The following DECR2 variants were observed in gnomAD, a reference collection of about 807,000 sequenced individuals.
The protein encoded by DECR2 is 2,4-dienoyl-CoA reductase 2.
DECR2 carries 34 observed loss-of-function variants against 29.2 expected under a neutral mutation model. The observed-to-expected ratio is 1.16, with a 90% CI of 0.89 to 1.55. The LOEUF (loss-of-function observed/expected upper bound fraction) is 1.55. DECR2 is among the 40% of genes most tolerant of loss of function. The probability of loss-of-function intolerance (pLI) is 0.00; values close to 1 mark genes in which losing one functional copy is unlikely to be tolerated. For missense variants in DECR2, 485 were observed against 425.3 expected (o/e 1.14, Z -1.23); for synonymous variants, 224 against 182.7 (o/e 1.23, Z -1.82).
chr16:403,146 T>G (rs79137496), intron 1 of DECR2: 5 of 469,192 alleles, frequency 1.1e-5, no homozygotes, highest in Non-Finnish European at 1.1e-5. Context: ...TCAGCCTCAG[T>G]GCGCCCAAGT....
chr16:402,876 T>C (rs1404973161), intron 1 of DECR2: 1 of 216,770 alleles, frequency 4.6e-6, no homozygotes, highest in African/African-American at 2.4e-5. Context: ...TCCCAACTAC[T>C]TGGGAGGCTG....
At chr16:408,888 AT>A (rs2054776195) in intron 4 of DECR2, among the ~76,000 whole-genome samples, 1 of 146,514 alleles carries the variant, frequency 6.8e-6, no homozygotes, top group South Asian at 2.2e-4. Context: ...CTGGAGTACC[AT>A]GGTACAATCT....
At position 407,499 on chromosome 16, in the gene DECR2, T is replaced by G; in HGVS notation, c.276T>G (p.Ala92=). 1 of 1,613,978 alleles carries G rather than the reference T, an allele frequency of 6.2e-7. No homozygotes were observed. Among genetic ancestry groups the G allele is most frequent in the Non-Finnish European group, 8.5e-7 (1 of 1,179,940 alleles). ...CTATGGACGTCCGAGCGCCCCCAGCTGTCATGGCCGCCGTGGACCAGGCTC... is the reference window on the plus strand; with the variant it reads ...CTATGGACGTCCGAGCGCCCCCAGCGGTCATGGCCGCCGTGGACCAGGCTC... ...PLSMDVRAPP[A]VMAAVDQALK... is the part of the protein sequence containing the mutation. The change falls in exon 4 of 9, where the codon GCT becomes GCG. Residue 92 remains alanine (A), a synonymous_variant. Coordinates refer to ENST00000219481, the MANE Select transcript of DECR2 (RefSeq NM_020664.4).
In DECR2 at chr16:411,503, T is replaced by C; in HGVS notation, c.804T>C (p.Asp268=). 1 of 1,614,040 alleles carries C rather than the reference T, an allele frequency of 6.2e-7. No individual in the cohort carries two copies. Among genetic ancestry groups the C allele is most frequent in the Non-Finnish European group, 8.5e-7 (1 of 1,179,998 alleles). The change falls in exon 8 of 9, where the codon GAT becomes GAC. Residue 268 remains aspartate, a synonymous_variant. Transcript: ENST00000219481. The part of the protein sequence containing the change: ...SYVTGAVLVA[D]GGAWLTFPNG... ...TGACGGGGGCCGTGCTGGTGGCCGA[T>C]GGCGGGGCATGGTTGACGTTCCCAA...
At chr16:407,784 CTCTGTCT>C (rs2054745805) in intron 4 of DECR2, among the ~76,000 whole-genome samples, 4 of 2,512 alleles carry the variant, frequency 1.6e-3, no homozygotes, top group Admixed American at 0.015. Flanking sequence ...GTCTCCGGGC[CTCTGTCT>C]CCGGGCTCTG....
rs1597205958 is a variant in DECR2 at position 410,095 on chromosome 16, G to A, written c.338-148G>A. The A allele has an allele frequency of 8.4e-7, 1 of 1,187,296 alleles. No homozygotes were observed. The highest frequency in any genetic ancestry group is 2.6e-5 in the East Asian group (1 of 38,504). The allele number at this position is 1,187,296 out of a possible 1,614,324, so 73.5% of individuals were successfully genotyped here. ...ACGCCCGTCTTGCTCTGGTCATTTT[G>A]GAATTTATCCTAGGGCATGGGTCTC... On this transcript the variant is annotated intron_variant, in intron 4 of 8. Coordinates refer to ENST00000219481, the MANE Select transcript of DECR2 (RefSeq NM_020664.4). The surrounding 1 kb of genome is among the most constrained non-coding windows in gnomAD (Gnocchi z 4.1).
rs1378157106 is a variant in DECR2, at chr16:411,040, G to C, written c.625G>C (p.Gly209Arg). ...QNIRVNSLAP[G>R]PISGTEGLRR... is the part of the protein sequence containing the mutation. The stretch of plus-strand genomic sequence containing the variant: ...CATCCGCGTCAACAGCCTCGCCCCT[G>C]GCCCCATCAGTGGCACAGAGGGGCT... The change falls in exon 7 of 9, where the codon GGC becomes CGC. Residue 209 changes from glycine to arginine, a missense_variant. Gly to Arg is a moderately radical substitution (Grantham distance 125). Transcript: ENST00000219481. 1 of 1,586,068 alleles carries C rather than the reference G, an allele frequency of 6.3e-7. No homozygotes were observed. The highest frequency in any genetic ancestry group is 8.6e-7 in the Non-Finnish European group (1 of 1,168,312).
At position 410,446 on chromosome 16, in the gene DECR2, G is replaced by A. The variant is rs908677978; in HGVS notation, c.462+79G>A. The A allele has an allele frequency of 2.1e-5, 33 of 1,576,690 alleles. No homozygotes were observed. The highest frequency in any genetic ancestry group is 2.8e-5 in the Non-Finnish European group (32 of 1,157,664). ...CTCTGTGAGAAGTTCTTCCGGGTGG[G>A]TGCCTTGTGCGCTCTGTGAGAAGTT... On this transcript the variant is annotated intron_variant, in intron 5 of 8. Transcript: ENST00000219481. This position sits in a 1 kb window ranked among gnomAD's most constrained non-coding sequence, Gnocchi z 4.1.
intron 1 of DECR2, 100 bp from the exon 2 acceptor site, chr16:404,856 C>G: frequency 8.8e-7 from 1 of 1,138,070 alleles, no homozygotes; most frequent in Non-Finnish European, 1.3e-6. Flanking sequence ...TCTCGATCTC[C>G]TGACCTTGTG....
chr16:406,331 C>T lies in DECR2; in HGVS notation c.150-15C>T. On this transcript the variant is annotated splice_polypyrimidine_tract_variant and intron_variant, in intron 2 of 8. Coordinates refer to ENST00000219481, the MANE Select transcript of DECR2 (RefSeq NM_020664.4). ...CTCGCCCACACTGCCCTCACACCTG[C>T]TTCTGGTTTTGCAGGCACGGCTGCC... 1 of 1,605,780 alleles carries T rather than the reference C, an allele frequency of 6.2e-7. No individual in the cohort carries two copies. The highest frequency in any genetic ancestry group is 1.1e-5 in the South Asian group (1 of 91,056).
intron 1 of DECR2, chr16:403,031 TTCTC>T (rs2054685842): frequency 3.0e-6 from 3 of 985,124 alleles, no homozygotes; most frequent in Non-Finnish European, 3.6e-6. Context: ...GTATTGACAA[TTCTC>T]TCTGAGTGTT....
At chr16:411,722 G>T in intron 8 of DECR2, 144 bp downstream of exon 8, 1 of 881,686 alleles carries the variant, frequency 1.1e-6, no homozygotes, top group Non-Finnish European at 1.7e-6. Context: ...CCACACATGG[G>T]TGCTGCCCAG....
chr16:408,057 CT>C (rs1207978646), intron 4 of DECR2, among the ~76,000 whole-genome samples: 1 of 18,222 alleles, frequency 5.5e-5, no homozygotes, highest in Non-Finnish European at 1.6e-4. Flanking sequence ...GTCTCCGGCC[CT>C]CTGTCTCCGG....
rs377680372 is a variant in DECR2 at position 407,574 on chromosome 16, G to A, written c.337+14G>A. 2.0e-5 allele frequency: 32 copies of A among 1,613,262 alleles called. No homozygotes were observed. The African/African-American group carries it at 4.1e-4, about 21-fold the overall frequency. On this transcript the variant is annotated intron_variant, in intron 4 of 8. Transcript: ENST00000219481. ...TTCTCATTAACTGTGAGTCGGTGCT[G>A]AGTGAGGTTGGTGGCTTCTCACAGG...
In DECR2 at chr16:401,973, C is replaced by T; in HGVS notation, c.10C>T (p.Pro4Ser). Residue 4 changes from proline (P) to serine (S), a missense_variant, in exon 1 of 9, where the codon CCG (proline) becomes TCG (serine). Transcript: ENST00000219481. ...CCCCGACGGGAGCGCCATGGCCCAG[C>T]CGCCGCCCGACGTGGAGGGGGACGA... MAQPPPDVEGDDCL... is the reference protein window; with the variant it reads MAQSPPDVEGDDCL... 1.3e-6 allele frequency: 2 copies of T among 1,490,548 alleles called. No individual in the cohort carries two copies. Among genetic ancestry groups the T allele is most frequent in the Non-Finnish European group, 1.8e-6 (2 of 1,128,120 alleles). 92.3% of individuals were successfully genotyped at this position (1,490,548 alleles called of 1,614,324 possible).
intron 4 of DECR2, among the ~76,000 whole-genome samples, chr16:409,090 C>T (rs1405129171): frequency 6.6e-6 from 1 of 152,132 alleles, no homozygotes; most frequent in African/African-American, 2.4e-5. Context: ...CCTTGGCTTC[C>T]GAAAGTGCTG....
Position 410,497 on chromosome 16 carries a change from G to T in DECR2, c.462+130G>T. On this transcript the variant is annotated intron_variant, in intron 5 of 8. Coordinates refer to ENST00000219481, the MANE Select transcript of DECR2 (RefSeq NM_020664.4). The surrounding 1 kb of genome is among the most constrained non-coding windows in gnomAD (Gnocchi z 4.1). ...CTTCCGGGTGGGTGTACTCCCAGCG[G>T]GGGCCTCCCCCTGACGGCCGCCCGC... 1 of 1,432,080 alleles carries T rather than the reference G, an allele frequency of 7.0e-7. No individual in the cohort carries two copies. The allele number at this position is 1,432,080 out of a possible 1,614,324, so 88.7% of individuals were successfully genotyped here.
At chr16:402,551 T>C (rs548715399) in intron 1 of DECR2, among the ~76,000 whole-genome samples, 1 of 152,230 alleles carries the variant, frequency 6.6e-6, no homozygotes, top group South Asian at 2.1e-4. Context: ...TGCAAACGCC[T>C]TGGTGTTCAC....
chr16:410,806 CAG>C lies in DECR2; in HGVS notation c.556+23_556+24del. 6.4e-7 allele frequency: 1 copy of C among 1,561,206 alleles called. No individual in the cohort carries two copies. Among genetic ancestry groups the C allele is most frequent in the South Asian group, 1.2e-5 (1 of 85,154 alleles). ...GTGGGTATGACCACCCCCCCCCGCC[CAG>C]GTTTGCCCACGTGGGTCCCCAATGG... On this transcript the variant is annotated intron_variant, in intron 6 of 8. Transcript: ENST00000219481. This position sits in a 1 kb window ranked among gnomAD's most constrained non-coding sequence, Gnocchi z 4.1.
Sources: gnomAD v4.1 joint callset for allele counts (sites outside exome capture counted in the v4.1 genomes callset) on GRCh38, gnomAD v4.1.1 for gene constraint, Gnocchi (gnomAD v3.1) non-coding constraint, MANE v1.5 for transcripts, NCBI Gene and HGNC (gene_info 2026-07-23, HGNC 2026-07-21) for gene names.